The following GPR158 variants were observed in gnomAD, a reference collection of about 807,000 sequenced individuals.
The protein encoded by GPR158 is G protein-coupled receptor 158.
Under a neutral mutation model 78.2 loss-of-function variants are expected in GPR158, and 30 were observed. The observed-to-expected ratio is 0.38, with a 90% CI of 0.29 to 0.52. The LOEUF (loss-of-function observed/expected upper bound fraction) is 0.52, where lower values mean the gene tolerates loss of function less well. Ranked by LOEUF, GPR158 falls within the 20% of genes least tolerant of loss-of-function variation. The pLI, the probability that GPR158 is intolerant of heterozygous loss-of-function variation, is 0.83. For synonymous variants in GPR158, 581 were observed against 591.1 expected, an observed-to-expected ratio of 0.98 and a Z score of 0.25; for missense variants, 1,463 against 1,523.5, an observed-to-expected ratio of 0.96 and a Z score of 0.66.
chr10:25,194,596 G>A lies in GPR158; in HGVS notation c.902+18274G>A, dbSNP rs140284748. On this transcript the variant is annotated intron_variant, in intron 1 of 10. Coordinates refer to ENST00000376351, the MANE Select transcript of GPR158 (RefSeq NM_020752.3). Reference sequence around the variant, plus strand: ...GCCAGAAGTGAGACGACTTGGAGGAGTTAGAGGAGGCCAATTCTGCATGAC... The same window carrying A: ...GCCAGAAGTGAGACGACTTGGAGGAATTAGAGGAGGCCAATTCTGCATGAC... 2.6e-3 allele frequency among the ~76,000 whole-genome samples: 397 copies of A among 152,200 alleles called. 2 individuals carry two copies. The highest frequency in any genetic ancestry group is 8.8e-3 in the African/African-American group (365 of 41,538).
At chr10:25,500,657 G>T (rs1025332149) in intron 5 of GPR158, among the ~76,000 whole-genome samples, 2 of 152,144 alleles carry the variant, frequency 1.3e-5, no homozygotes, top group Non-Finnish European at 2.9e-5. Context: ...ATTTTTCTCT[G>T]TTTTCTTTGC....
chr10:25,304,362 A>G (rs1011872561), intron 2 of GPR158, among the ~76,000 whole-genome samples: 1 of 152,146 alleles, frequency 6.6e-6, no homozygotes, highest in Admixed American at 6.5e-5. Flanking sequence ...AGGATGGGAA[A>G]GTTGAAGAGA....
At chr10:25,425,652 C>T (rs368131785) in intron 4 of GPR158, among the ~76,000 whole-genome samples, 3 of 152,144 alleles carry the variant, frequency 2.0e-5, no homozygotes, top group African/African-American at 4.8e-5. Flanking sequence ...GTGCTTCTGA[C>T]GAAAGACTAA....
At chr10:25,240,257 A>G (rs1377389585) in intron 2 of GPR158, among the ~76,000 whole-genome samples, 2 of 152,172 alleles carry the variant, frequency 1.3e-5, no homozygotes, top group Non-Finnish European at 2.9e-5. Context: ...GCCTGTAATC[A>G]CAGCACTTTG....
At chr10:25,417,040 A>T (rs1442893220) in intron 4 of GPR158, among the ~76,000 whole-genome samples, 3 of 152,122 alleles carry the variant, frequency 2.0e-5, no homozygotes, top group Non-Finnish European at 2.9e-5. Context: ...GAAAAAAAAA[A>T]TAAGTCATAG....
At chr10:25,422,199 T>C (rs1026971852) in intron 4 of GPR158, among the ~76,000 whole-genome samples, 1 of 152,202 alleles carries the variant, frequency 6.6e-6, no homozygotes, top group African/African-American at 2.4e-5. Flanking sequence ...ATTACCACTT[T>C]ATTTATCATC....
intron 4 of GPR158, among the ~76,000 whole-genome samples, chr10:25,423,012 G>C (rs184810623): frequency 6.6e-6 from 1 of 151,872 alleles, no homozygotes; most frequent in East Asian, 1.9e-4. Flanking sequence ...TTCCATCCAG[G>C]TTGCTGCGAA....
At chr10:25,226,310 A>G (rs1016365277) in intron 2 of GPR158, among the ~76,000 whole-genome samples, 2 of 152,144 alleles carry the variant, frequency 1.3e-5, no homozygotes, top group Non-Finnish European at 2.9e-5. Flanking sequence ...AGTGCAGTGG[A>G]CTGCTCTGCC....
At chr10:25,206,266 C>T (rs959303272) in intron 1 of GPR158, among the ~76,000 whole-genome samples, 3 of 152,078 alleles carry the variant, frequency 2.0e-5, no homozygotes, top group Admixed American at 1.3e-4. Flanking sequence ...GGATTACAGG[C>T]GTGAGCCACC....
intron 3 of GPR158, among the ~76,000 whole-genome samples, chr10:25,407,702 C>T (rs1193107409): frequency 6.6e-6 from 1 of 152,118 alleles, no homozygotes; most frequent in Non-Finnish European, 1.5e-5. Flanking sequence ...ATAACCAAGT[C>T]ATCTAAAATT....
At chr10:25,319,684 T>G (rs915257099) in intron 2 of GPR158, among the ~76,000 whole-genome samples, 1 of 152,082 alleles carries the variant, frequency 6.6e-6, no homozygotes, top group South Asian at 2.1e-4. Context: ...GTTGAGAAAT[T>G]TTTTCTTCTA....
chr10:25,542,762 T>TA (rs2130704769), intron 5 of GPR158, among the ~76,000 whole-genome samples: 1 of 134,412 alleles, frequency 7.4e-6, no homozygotes, highest in East Asian at 2.2e-4. Context: ...AGGTGGAGGT[T>TA]ACAGTGAGCC....
intron 2 of GPR158, among the ~76,000 whole-genome samples, chr10:25,282,347 G>T (rs141960576): frequency 2.0e-5 from 3 of 152,102 alleles, no homozygotes; most frequent in Non-Finnish European, 4.4e-5. Context: ...CCATTGTAGG[G>T]ATTGTAACAT....
chr10:25,567,582 A>G (rs1260819068), intron 6 of GPR158, among the ~76,000 whole-genome samples: 1 of 152,142 alleles, frequency 6.6e-6, no homozygotes, highest in Non-Finnish European at 1.5e-5. Context: ...CTGTGTTTGT[A>G]TAGGTGGGAG....
intron 2 of GPR158, among the ~76,000 whole-genome samples, chr10:25,249,852 T>C (rs1462275336): frequency 6.7e-6 from 1 of 148,736 alleles, no homozygotes; most frequent in East Asian, 2.0e-4. Flanking sequence ...GGATTCCCTC[T>C]TTTTCTATTG....
intron 2 of GPR158, among the ~76,000 whole-genome samples, chr10:25,296,797 T>C (rs576351510): frequency 6.6e-6 from 1 of 152,318 alleles, no homozygotes; most frequent in African/African-American, 2.4e-5. Context: ...GCCAAGTAAC[T>C]TACCCACAGT....
rs116126158 is a variant in GPR158 at position 25,436,904 on chromosome 10, A to T, written c.1335+24431A>T. Among the ~76,000 whole-genome samples the T allele has an allele frequency of 3.7e-3, 571 of 152,304 alleles. 5 individuals are homozygous for T. The highest frequency in any genetic ancestry group is 0.013 in the African/African-American group (551 of 41,566). On this transcript the variant is annotated intron_variant, in intron 4 of 10. Coordinates refer to ENST00000376351, the MANE Select transcript of GPR158 (RefSeq NM_020752.3). ...ACATTTGAAACAATCTTTGGAATAGATAGAAGAAAAGAAAGAGGCAAAAGC... is the reference window on the plus strand; with the variant it reads ...ACATTTGAAACAATCTTTGGAATAGTTAGAAGAAAAGAAAGAGGCAAAAGC...
chr10:25,561,900 G>A (rs1252630188), intron 6 of GPR158, among the ~76,000 whole-genome samples: 1 of 152,152 alleles, frequency 6.6e-6, no homozygotes, highest in African/African-American at 2.4e-5. Flanking sequence ...TAAGAAATTA[G>A]TGCAGAACCC....
At chr10:25,184,020 TC>T (rs1852648914) in intron 1 of GPR158, among the ~76,000 whole-genome samples, 1 of 152,194 alleles carries the variant, frequency 6.6e-6, no homozygotes, top group African/African-American at 2.4e-5. Context: ...TAACAAGGCA[TC>T]TTACAATTAA....
Sources: allele counts gnomAD v4.1 joint callset (sites outside exome capture counted in the v4.1 genomes callset), GRCh38; gene constraint gnomAD v4.1.1; transcripts MANE v1.5; gene names NCBI Gene and HGNC (gene_info 2026-07-23, HGNC 2026-07-21).